PCDHA9: variants seen among roughly 807,000 people sequenced by gnomAD.
PCDHA9 encodes the protein protocadherin alpha-9.
A neutral mutation model predicts 62.0 loss-of-function variants in PCDHA9; 62 were observed. The ratio of observed to expected loss-of-function variants is 1.00; its 90% CI spans 0.81 to 1.23. PCDHA9 has a LOEUF of 1.23. Ranked by LOEUF, PCDHA9 falls within the 50% of genes most tolerant of loss-of-function variation. The probability of loss-of-function intolerance (pLI) is 0.00; values close to 1 mark genes in which losing one functional copy is unlikely to be tolerated. For synonymous variants in PCDHA9, 557 were observed against 567.6 expected (o/e 0.98, Z 0.27); for missense variants, 1,205 against 1,249.8 (o/e 0.96, Z 0.54).
intron 1 of PCDHA9, chr5:140,857,200 C>A: frequency 1.3e-6 from 2 of 1,598,618 alleles, no homozygotes; most frequent in East Asian, 2.2e-5. Flanking sequence ...ACGGACAGGT[C>A]ACCTGCTCTC....
chr5:140,927,136 G>A (rs2083883058), intron 1 of PCDHA9: 3 of 1,613,986 alleles, frequency 1.9e-6, no homozygotes, highest in African/African-American at 2.7e-5. Flanking sequence ...AGAGCCGGCG[G>A]ACCGCGAACA....
At chr5:140,996,389 A>G (rs543903221) in intron 3 of PCDHA9, among the ~76,000 whole-genome samples, 3 of 152,328 alleles carry the variant, frequency 2.0e-5, no homozygotes, top group Admixed American at 1.3e-4. Context: ...ATAATGCCTC[A>G]TAGAGTTTCA....
chr5:140,920,429 C>T (rs2079631906), intron 1 of PCDHA9, among the ~76,000 whole-genome samples: 1 of 152,136 alleles, frequency 6.6e-6, no homozygotes. Flanking sequence ...TTCTCCCACA[C>T]ACCTCTTTTA....
In PCDHA9 at chr5:140,857,194, A is replaced by G. The variant is rs187713139; in HGVS notation, c.2394+6305A>G. On this transcript the variant is annotated intron_variant, in intron 1 of 3. Transcript: ENST00000532602. ...CTGACCATGATTCAGGAGCCAACGG[A>G]CAGGTCACCTGCTCTCTGACGCCTC... 4 of 1,598,542 alleles carry G rather than the reference A, an allele frequency of 2.5e-6. 1 individual carries two copies. The highest frequency in any genetic ancestry group is 1.3e-5 in the African/African-American group (1 of 74,440).
chr5:140,857,702 G>A, intron 1 of PCDHA9: 2 of 1,597,414 alleles, frequency 1.3e-6, no homozygotes, highest in East Asian at 2.2e-5. Flanking sequence ...GACGCTGCAG[G>A]TGTTCGTGCT....
At chr5:140,867,783 G>A (rs1426151534) in intron 1 of PCDHA9, 1 of 152,002 alleles carries the variant, frequency 6.6e-6, no homozygotes, top group Non-Finnish European at 1.5e-5. Flanking sequence ...AGCAATTCCT[G>A]TATTTTACTT....
chr5:141,006,207 T>C (rs1434083054), intron 3 of PCDHA9, among the ~76,000 whole-genome samples: 4 of 150,998 alleles, frequency 2.6e-5, no homozygotes, highest in Non-Finnish European at 5.9e-5. Context: ...TTATGCCTCA[T>C]TTTTTTTTAA....
intron 1 of PCDHA9, among the ~76,000 whole-genome samples, chr5:140,945,406 G>A (rs992531626): frequency 2.0e-4 from 30 of 151,882 alleles, no homozygotes; most frequent in East Asian, 1.2e-3. Flanking sequence ...AATACAATTC[G>A]TATCAAAATT....
At chr5:140,886,903 A>G (rs1432603652) in intron 1 of PCDHA9, among the ~76,000 whole-genome samples, 1 of 152,188 alleles carries the variant, frequency 6.6e-6, no homozygotes, top group East Asian at 1.9e-4. Context: ...CATTTAATAA[A>G]TACTTATTGA....
At chr5:140,905,292 G>T (rs1394409672) in intron 1 of PCDHA9, among the ~76,000 whole-genome samples, 1 of 152,114 alleles carries the variant, frequency 6.6e-6, no homozygotes, top group African/African-American at 2.4e-5. Flanking sequence ...CTTGAATAAG[G>T]TGTCCTTTCC....
rs1351509805 is a variant in PCDHA9, at chr5:140,928,584, TG to T, written c.2395-50364del. The T allele has an allele frequency of 8.7e-6, 14 of 1,614,150 alleles. No homozygotes were observed. In the African/African-American group the frequency reaches 1.9e-4, roughly 22 times the overall value. On this transcript the variant is annotated intron_variant, in intron 1 of 3. Coordinates refer to ENST00000532602, the MANE Select transcript of PCDHA9 (RefSeq NM_031857.2). ...TGTTTCCCTTGCCCAGAAATGGTTCTGTCCCAGTGGAAATTGTGCCCCGCTC... is the reference window on the plus strand; with the variant it reads ...TGTTTCCCTTGCCCAGAAATGGTTCTTCCCAGTGGAAATTGTGCCCCGCTC...
chr5:140,967,212 C>T, intron 1 of PCDHA9: 1 of 1,613,630 alleles, frequency 6.2e-7, no homozygotes, highest in Middle Eastern at 1.6e-4. Flanking sequence ...CCGCGTTTCC[C>T]GCGGCCCAAC....
chr5:140,923,220 G>A (rs1264496576), intron 1 of PCDHA9, among the ~76,000 whole-genome samples: 5 of 71,932 alleles, frequency 7.0e-5, no homozygotes, highest in African/African-American at 2.1e-4. Flanking sequence ...TGAAAGGATC[G>A]TTTGAGCCCA....
chr5:140,857,392 C>G (rs142727326), intron 1 of PCDHA9: 2 of 1,598,470 alleles, frequency 1.3e-6, no homozygotes, highest in African/African-American at 1.3e-5. Flanking sequence ...CCGACGTGAA[C>G]GACAACGCGC....
intron 3 of PCDHA9, among the ~76,000 whole-genome samples, chr5:141,004,566 T>C (rs2098171206): frequency 6.6e-6 from 1 of 152,186 alleles, no homozygotes; most frequent in Non-Finnish European, 1.5e-5. Context: ...GATGAACATA[T>C]CTCTGTGTTC....
At position 140,857,673 on chromosome 5, in the gene PCDHA9, C is replaced by G. The variant is rs372854727; in HGVS notation, c.2394+6784C>G. On this transcript the variant is annotated intron_variant, in intron 1 of 3. Transcript: ENST00000532602. The stretch of plus-strand genomic sequence containing the variant: ...GTGAGCGCGCGCGATGGGGGCGTGC[C>G]GCCTCTGGGCAGCAACTTGACGCTG... 6.3e-7 allele frequency: 1 copy of G among 1,596,942 alleles called. No homozygotes were observed. Among genetic ancestry groups the G allele is most frequent in the Non-Finnish European group, 8.6e-7 (1 of 1,167,760 alleles).
chr5:140,993,460 T>TCACACACA (rs1554253699), intron 3 of PCDHA9, among the ~76,000 whole-genome samples: 14 of 104,506 alleles, frequency 1.3e-4, no homozygotes, highest in African/African-American at 2.4e-4. Flanking sequence ...CTTCTTTCTT[T>TCACACACA]CTCACACACA....
At chr5:140,989,321 C>A (rs898791820) in intron 3 of PCDHA9, among the ~76,000 whole-genome samples, 6 of 152,178 alleles carry the variant, frequency 3.9e-5, no homozygotes, top group Non-Finnish European at 7.3e-5. Flanking sequence ...GTCTCACCAA[C>A]TTTGCCACCT....
chr5:141,000,389 C>CTATA (rs2097911342), intron 3 of PCDHA9, among the ~76,000 whole-genome samples: 3 of 62,588 alleles, frequency 4.8e-5, no homozygotes, highest in Non-Finnish European at 8.6e-5. Flanking sequence ...CTCTCTCTCT[C>CTATA]TCTCTCTATA....
Sources: gnomAD v4.1 joint callset for allele counts (sites outside exome capture counted in the v4.1 genomes callset) on GRCh38, gnomAD v4.1.1 for gene constraint, MANE v1.5 for transcripts, NCBI Gene and HGNC (gene_info 2026-07-23, HGNC 2026-07-21) for gene names.